The following RPS6KA1 variants were observed in gnomAD, a reference collection of about 807,000 sequenced individuals.
RPS6KA1 encodes ribosomal protein S6 kinase A1.
A neutral mutation model predicts 91.3 loss-of-function variants in RPS6KA1; 48 were observed. That is an observed-to-expected ratio of 0.53 (90% confidence interval 0.42 to 0.67). The LOEUF is 0.67. Among genes scored for constraint, RPS6KA1 ranks in the 30% least tolerant of loss-of-function variants. The pLI, the probability that RPS6KA1 is intolerant of heterozygous loss-of-function variation, is 0.00. For missense variants in RPS6KA1, 719 were observed against 960.5 expected (o/e 0.75, Z 3.32); for synonymous variants, 359 against 384.7 (o/e 0.93, Z 0.78).
Position 26,571,962 on chromosome 1 carries a change from C to T in RPS6KA1, c.1829+37C>T, listed in dbSNP as rs754165284. The stretch of plus-strand genomic sequence containing the variant: ...TGGCCTGGACCCTTCCCCACTCCTG[C>T]AGCCCTAGCACTTGGGCTGAGTGGT... On this transcript the variant is annotated intron_variant, in intron 19 of 21. Transcript: ENST00000374168. The surrounding 1 kb of genome is among the most constrained non-coding windows in gnomAD (Gnocchi z 5.1). The T allele has an allele frequency of 3.8e-5, 61 of 1,586,834 alleles. 1 individual carries two copies. The South Asian group carries it at 6.8e-4, about 18-fold the overall frequency.
chr1:26,545,325 C>T (rs1308074695), intron 2 of RPS6KA1, among the ~76,000 whole-genome samples: 3 of 135,248 alleles, frequency 2.2e-5, no homozygotes, highest in East Asian at 2.2e-4. Flanking sequence ...CTGACCACCA[C>T]GCCTGGCCAA....
chr1:26,565,217 G>A (rs1447022348), intron 17 of RPS6KA1, among the ~76,000 whole-genome samples: 2 of 152,172 alleles, frequency 1.3e-5, no homozygotes, highest in Admixed American at 6.5e-5. Flanking sequence ...CTCTGGGTTG[G>A]TTTGTCAGCA....
intron 2 of RPS6KA1, among the ~76,000 whole-genome samples, chr1:26,545,593 T>G (rs1384286979): frequency 6.6e-6 from 1 of 152,194 alleles, no homozygotes; most frequent in Non-Finnish European, 1.5e-5. Flanking sequence ...GGTACCTCTC[T>G]GCTGTTGGGT....
chr1:26,560,702 G>A (rs745825580), intron 14 of RPS6KA1, 24 bp from the exon 15 acceptor site: 1 of 1,614,020 alleles, frequency 6.2e-7, no homozygotes, highest in Admixed American at 1.7e-5. Flanking sequence ...CCAGGGGTCA[G>A]CCACAATTTT....
chr1:26,548,672 A>G (rs1473862706), intron 4 of RPS6KA1, among the ~76,000 whole-genome samples: 1 of 151,826 alleles, frequency 6.6e-6, no homozygotes, highest in Admixed American at 6.6e-5. Context: ...TGGTATGCAC[A>G]CCTATAGTCC....
rs2076010253 is a variant in RPS6KA1, at chr1:26,547,953, T to A, written c.307+683T>A. ...GGGAGGCTGAGGTGGGCGGGTCATT[T>A]GAGGTCAGGAGTTCAAGACCTGACC... is the stretch of plus-strand genomic sequence containing the variant. On this transcript the variant is annotated intron_variant, in intron 4 of 21. Transcript: ENST00000374168. This position sits in a 1 kb window ranked among gnomAD's most constrained non-coding sequence, Gnocchi z 4.1. Among the ~76,000 whole-genome samples the A allele has an allele frequency of 6.6e-6, 1 of 152,140 alleles. No homozygotes were observed.
At position 26,561,032 on chromosome 1, in the gene RPS6KA1, C is replaced by G. The variant is rs201521654; in HGVS notation, c.1342-13C>G. 1 of 1,612,592 alleles carries G rather than the reference C, an allele frequency of 6.2e-7. No homozygotes were observed. Among genetic ancestry groups the G allele is most frequent in the South Asian group, 1.1e-5 (1 of 91,014 alleles). On this transcript the variant is annotated splice_polypyrimidine_tract_variant and intron_variant, in intron 15 of 21. Transcript: ENST00000374168. The surrounding 1 kb of genome is among the most constrained non-coding windows in gnomAD (Gnocchi z 5.7). Reference sequence around the variant, plus strand: ...GTCACCCTGACACTGCCACATGCACCCCCTTTCTTCAGGTCATTGATAAGA... The same window carrying G: ...GTCACCCTGACACTGCCACATGCACGCCCTTTCTTCAGGTCATTGATAAGA...
chr1:26,572,115 C>T, intron 19 of RPS6KA1, 61 bp from the exon 20 acceptor site: 1 of 1,444,364 alleles, frequency 6.9e-7, no homozygotes, highest in Non-Finnish European at 9.7e-7. Flanking sequence ...TCTCCCACCG[C>T]AGCCCCAGCC....
At chr1:26,568,653 G>A (rs147879894) in intron 17 of RPS6KA1, among the ~76,000 whole-genome samples, 149 of 152,300 alleles carry the variant, frequency 9.8e-4, no homozygotes, top group Middle Eastern at 3.4e-3. Flanking sequence ...GGGAGGCTGA[G>A]GCAGGAGAAT....
chr1:26,551,512 AC>A lies in RPS6KA1; in HGVS notation c.388+38del, dbSNP rs1281854016. 1.6e-5 allele frequency: 25 copies of A among 1,609,680 alleles called. No homozygotes were observed. The highest frequency in any genetic ancestry group is 6.7e-5 in the Admixed American group (4 of 59,972). Reference sequence around the variant, plus strand: ...CTGGCCCTGCCTGAGCTCCTACCCCACCCATCCTTCGCCCTTGCCTGTGGTC... The same window carrying A: ...CTGGCCCTGCCTGAGCTCCTACCCCACCATCCTTCGCCCTTGCCTGTGGTC... On this transcript the variant is annotated intron_variant, in intron 5 of 21. Coordinates refer to ENST00000374168, the MANE Select transcript of RPS6KA1 (RefSeq NM_002953.4). This position sits in a 1 kb window ranked among gnomAD's most constrained non-coding sequence, Gnocchi z 4.5.
intron 1 of RPS6KA1, among the ~76,000 whole-genome samples, chr1:26,535,188 G>T (rs1207283925): frequency 2.0e-5 from 3 of 152,246 alleles, no homozygotes; most frequent in East Asian, 3.9e-4. Context: ...GCTGAGAGAT[G>T]ACAGTGTGTG....
At chr1:26,570,025 G>T (rs1557516249) in intron 17 of RPS6KA1, among the ~76,000 whole-genome samples, 1 of 152,192 alleles carries the variant, frequency 6.6e-6, no homozygotes, top group Non-Finnish European at 1.5e-5. Flanking sequence ...ATGAGAACAT[G>T]AGGAGTTTAG....
intron 13 of RPS6KA1, among the ~76,000 whole-genome samples, chr1:26,557,572 C>T (rs1328685699): frequency 3.3e-5 from 5 of 152,166 alleles, no homozygotes; most frequent in Non-Finnish European, 5.9e-5. Context: ...TTATCTGGAA[C>T]AAGGGCACAG....
In RPS6KA1 at chr1:26,547,959, CAGG is replaced by C. The variant is rs1557496938; in HGVS notation, c.307+692_307+694del. ...CTGAGGTGGGCGGGTCATTTGAGGT[CAGG>C]AGTTCAAGACCTGACCAACATGTTG... On this transcript the variant is annotated intron_variant, in intron 4 of 21. Coordinates refer to ENST00000374168, the MANE Select transcript of RPS6KA1 (RefSeq NM_002953.4). This position sits in a 1 kb window ranked among gnomAD's most constrained non-coding sequence, Gnocchi z 4.1. Among the ~76,000 whole-genome samples, 2 of 152,134 alleles carry C rather than the reference CAGG, an allele frequency of 1.3e-5. No individual in the cohort carries two copies. The highest frequency in any genetic ancestry group is 4.1e-4 in the South Asian group (2 of 4,828).
Position 26,555,640 on chromosome 1 carries a change from C to T in RPS6KA1, c.916+15C>T. 1.3e-6 allele frequency: 2 copies of T among 1,579,232 alleles called. No individual in the cohort carries two copies. Among genetic ancestry groups the T allele is most frequent in the Non-Finnish European group, 8.6e-7 (1 of 1,161,416 alleles). ...CAACCGGCTCGGTAAGCAGCCCCAG[C>T]TCAGGGGAGGGGATGTGGCGATGGG... On this transcript the variant is annotated intron_variant, in intron 11 of 21. Coordinates refer to ENST00000374168, the MANE Select transcript of RPS6KA1 (RefSeq NM_002953.4). The surrounding 1 kb of genome is among the most constrained non-coding windows in gnomAD (Gnocchi z 4.3).
intron 1 of RPS6KA1, chr1:26,530,898 A>G (rs1356907816): frequency 1.6e-6 from 2 of 1,267,466 alleles, no homozygotes; most frequent in Non-Finnish European, 2.1e-6. Flanking sequence ...CTGGGAAGGA[A>G]GCAGGTGATA....
At chr1:26,542,904 T>A (rs138560050) in intron 2 of RPS6KA1, among the ~76,000 whole-genome samples, 65 of 152,314 alleles carry the variant, frequency 4.3e-4, no homozygotes, top group African/African-American at 1.3e-3. Flanking sequence ...CTTTTGTCTC[T>A]GCTCTTGTCT....
intron 1 of RPS6KA1, among the ~76,000 whole-genome samples, chr1:26,535,239 C>A (rs1410395545): frequency 6.6e-6 from 1 of 151,832 alleles, no homozygotes; most frequent in Non-Finnish European, 1.5e-5. Flanking sequence ...ACATTTGGCC[C>A]CTGGGGAGAG....
Position 26,561,583 on chromosome 1 carries a change from C to T in RPS6KA1, c.1510C>T (p.Gln504Ter). Reference sequence around the variant, plus strand: ...GGAGCTGCTGGACAAGATCCTGCGGCAGAAGTTCTTCTCAGAGCGGGAGGC... The same window carrying T: ...GGAGCTGCTGGACAAGATCCTGCGGTAGAAGTTCTTCTCAGAGCGGGAGGC... ...GGELLDKILR[Q>*]KFFSEREASF... is the part of the protein sequence containing the mutation. Residue 504 changes from glutamine (Q) to a stop codon, truncating the protein, a stop_gained, in exon 17 of 22, where the codon CAG becomes TAG. Coordinates refer to ENST00000374168, the MANE Select transcript of RPS6KA1 (RefSeq NM_002953.4). LOFTEE classifies it high-confidence loss of function. The surrounding 1 kb of genome is among the most constrained non-coding windows in gnomAD (Gnocchi z 5.7). 6.2e-7 allele frequency: 1 copy of T among 1,614,106 alleles called. No homozygotes were observed. Among genetic ancestry groups the T allele is most frequent in the Non-Finnish European group, 8.5e-7 (1 of 1,179,992 alleles).
Sources: gnomAD v4.1 joint callset for allele counts (sites outside exome capture counted in the v4.1 genomes callset) on GRCh38, gnomAD v4.1.1 for gene constraint, Gnocchi (gnomAD v3.1) non-coding constraint, MANE v1.5 for transcripts, NCBI Gene and HGNC (gene_info 2026-07-23, HGNC 2026-07-21) for gene names.